IGFN1: variants seen among roughly 807,000 people sequenced by gnomAD.
IGFN1 encodes the protein immunoglobulin-like and fibronectin type III domain-containing protein 1.
Under a neutral mutation model 289.5 loss-of-function variants are expected in IGFN1, and 253 were observed. The ratio of observed to expected loss-of-function variants is 0.87; its 90% CI spans 0.79 to 0.97. The LOEUF is 0.97. Among genes scored for constraint, IGFN1 ranks in the 50% least tolerant of loss-of-function variants. The pLI, the probability that IGFN1 is intolerant of heterozygous loss-of-function variation, is 0.00. For missense variants in IGFN1, 4,470 were observed against 4,686.1 expected (o/e 0.95, Z 1.35); for synonymous variants, 1,706 against 1,788.5 (o/e 0.95, Z 1.16).
chr1:201,216,590 C>T lies in IGFN1; in HGVS notation c.9432C>T (p.Gly3144=). The T allele has an allele frequency of 6.2e-7, 1 of 1,613,786 alleles. No homozygotes were observed. Among genetic ancestry groups the T allele is most frequent in the Non-Finnish European group, 8.5e-7 (1 of 1,179,850 alleles). The change falls in exon 16 of 24, where the codon GGC becomes GGT. Residue 3144 remains glycine, a synonymous_variant. Coordinates refer to ENST00000335211, the MANE Select transcript of IGFN1 (RefSeq NM_001164586.2). ...ECYVVERRQA[G]RSTWLKVGEA... ...ACGTGGTGGAGAGACGGCAGGCTGG[C>T]AGGAGCACTTGGCTGAAGGTGGGCG...
rs544842983 is a variant in IGFN1 at position 201,201,785 on chromosome 1, T to C, written c.700T>C (p.Leu234=). 5.2e-6 allele frequency: 8 copies of C among 1,550,574 alleles called. No individual in the cohort carries two copies. The highest frequency in any genetic ancestry group is 3.6e-5 in the South Asian group (3 of 84,034). ...VTKDGNAKFD[L]ELDLKDSQSK... is the part of the protein sequence containing the mutation. The stretch of plus-strand genomic sequence containing the variant: ...CAAGGATGGGAATGCAAAGTTTGAC[T>C]TGGAGCTGGATCTCAAGGATTCTCA... The change falls in exon 9 of 24, where the codon TTG becomes CTG. Residue 234 remains leucine (L), a synonymous_variant. Transcript: ENST00000335211.
chr1:201,219,143 C>A (rs1294962966), intron 18 of IGFN1, among the ~76,000 whole-genome samples: 1 of 152,222 alleles, frequency 6.6e-6, no homozygotes, highest in Non-Finnish European at 1.5e-5. Context: ...CAAGCTGGCC[C>A]ACCTGCCCCA....
chr1:201,208,219 C>T lies in IGFN1; in HGVS notation c.3326C>T (p.Pro1109Leu), dbSNP rs908173345. 9 of 1,536,626 alleles carry T rather than the reference C, an allele frequency of 5.9e-6. No individual in the cohort carries two copies. The highest frequency in any genetic ancestry group is 7.8e-6 in the Non-Finnish European group (9 of 1,146,836). The change falls in exon 12 of 24, where the codon CCA (proline) becomes CTA (leucine). Residue 1109 changes from proline to leucine, a missense_variant. Pro to Leu is a moderately conservative substitution (Grantham distance 98). Coordinates refer to ENST00000335211, the MANE Select transcript of IGFN1 (RefSeq NM_001164586.2). Reference protein sequence around the residue: ...TVGMGCVEAEPESSGRIRPWG... With the variant: ...TVGMGCVEAELESSGRIRPWG... ...GGGATGGGATGTGTGGAAGCAGAAC[C>T]AGAGAGCTCTGGAAGAATAAGGCCT...
intron 22 of IGFN1, 23 bp from the exon 23 acceptor site, chr1:201,226,859 T>C (rs1654127859): frequency 6.5e-7 from 1 of 1,541,724 alleles, no homozygotes; most frequent in Non-Finnish European, 8.8e-7. Context: ...CACCCTCTTC[T>C]CTCACCCCGG....
At position 201,213,017 on chromosome 1, in the gene IGFN1, G is replaced by A; in HGVS notation, c.8124G>A (p.Glu2708=). The A allele has an allele frequency of 1.3e-6, 2 of 1,551,582 alleles. No homozygotes were observed. The highest frequency in any genetic ancestry group is 2.4e-5 in the South Asian group (2 of 84,064). Residue 2708 remains glutamate (E), a synonymous_variant, in exon 12 of 24, where the codon GAG becomes GAA. Coordinates refer to ENST00000335211, the MANE Select transcript of IGFN1 (RefSeq NM_001164586.2). ...SPGRGSSVDA[E]DSGILGKGNS... ...GAAGGGGCAGTTCTGTTGATGCAGA[G>A]GACTCAGGTATCCTGGGCAAGGGGA...
intron 20 of IGFN1, among the ~76,000 whole-genome samples, chr1:201,223,473 C>A (rs1408006736): frequency 1.3e-5 from 2 of 152,120 alleles, no homozygotes; most frequent in African/African-American, 4.8e-5. Context: ...CGGGTTCTAG[C>A]GATTCTCCTG....
In IGFN1 at chr1:201,213,083, G is replaced by C; in HGVS notation, c.8190G>C (p.Gly2730=). 6.4e-7 allele frequency: 1 copy of C among 1,551,670 alleles called. No individual in the cohort carries two copies. The highest frequency in any genetic ancestry group is 8.7e-7 in the Non-Finnish European group (1 of 1,146,974). The change falls in exon 12 of 24, where the codon GGG becomes GGC. Residue 2730 remains glycine (G), a synonymous_variant. Transcript: ENST00000335211. ...EWGNALTPKP[G]ESGPQGAWNG... ...GGAATGCCCTCACCCCAAAACCTGG[G>C]GAGTCCGGACCTCAGGGAGCCTGGA...
intron 2 of IGFN1, among the ~76,000 whole-genome samples, chr1:201,193,808 A>G (rs990975078): frequency 6.6e-6 from 1 of 151,840 alleles, no homozygotes; most frequent in Non-Finnish European, 1.5e-5. Flanking sequence ...AGGAGTGCAA[A>G]GCCCCCACAC....
At chr1:201,214,059 A>G in intron 12 of IGFN1, 118 bp from the exon 13 acceptor site, 2 of 1,059,898 alleles carry the variant, frequency 1.9e-6, no homozygotes, top group Non-Finnish European at 2.6e-6. Context: ...GGTGCTGGGA[A>G]CCAGCCCTGC....
chr1:201,205,338 C>G lies in IGFN1; in HGVS notation c.1173C>G (p.Ala391=). 4 of 1,539,234 alleles carry G rather than the reference C, an allele frequency of 2.6e-6. No homozygotes were observed. The highest frequency in any genetic ancestry group is 3.5e-6 in the Non-Finnish European group (4 of 1,138,364). ...SLGTGLYTSS[A]WLVVEAGKDK... ...GCACCGGGCTCTACACTTCCAGCGC[C>G]TGGCTGGTGGTTGAAGGTGAGTGCT... Residue 391 remains alanine, a synonymous_variant, in exon 11 of 24, where the codon GCC becomes GCG. Coordinates refer to ENST00000335211, the MANE Select transcript of IGFN1 (RefSeq NM_001164586.2).
chr1:201,203,631 C>T (rs773890064), intron 9 of IGFN1, 107 bp from the exon 10 acceptor site: 115 of 1,012,536 alleles, frequency 1.1e-4, no homozygotes, highest in Non-Finnish European at 1.3e-4. Context: ...TGTTGTCTGG[C>T]GACTGGGCCC....
rs1470948324 is a variant in IGFN1 at position 201,226,803 on chromosome 1, A to T, written c.10787-79A>T. 2.6e-5 allele frequency: 29 copies of T among 1,129,340 alleles called. No homozygotes were observed. The East Asian group carries it at 6.9e-4, about 27-fold the overall frequency. The allele number at this position is 1,129,340 out of a possible 1,614,324, so 70.0% of individuals were successfully genotyped here. On this transcript the variant is annotated intron_variant, in intron 22 of 23. Coordinates refer to ENST00000335211, the MANE Select transcript of IGFN1 (RefSeq NM_001164586.2). Reference sequence around the variant, plus strand: ...TAAGGCCTACATGGTAGCTTCATGAACTCTTTACCCAGACCCGGGTCTCAG... The same window carrying T: ...TAAGGCCTACATGGTAGCTTCATGATCTCTTTACCCAGACCCGGGTCTCAG...
In IGFN1 at chr1:201,213,574, C is replaced by T. The variant is rs1667949292; in HGVS notation, c.8681C>T (p.Thr2894Ile). The T allele has an allele frequency of 1.2e-6, 2 of 1,613,980 alleles. No individual in the cohort carries two copies. The highest frequency in any genetic ancestry group is 3.3e-5 in the Admixed American group (2 of 60,006). ...GERRDATRSS[T>I]SRYKPGTGSF... ...AGGAGAGATGCTACCCGGAGTTCCA[C>T]ATCCAGATACAAGCCTGGCACTGGC... is the stretch of plus-strand genomic sequence containing the variant. The change falls in exon 12 of 24, where the codon ACA (threonine) becomes ATA (isoleucine). Residue 2894 changes from threonine to isoleucine, a missense_variant. By Grantham distance (89) the Thr-to-Ile change is moderately conservative (BLOSUM62 -1). Around this residue, in one of 8 missense-constraint regions of IGFN1, gnomAD observed 2,218 missense variants for 2,114.1 expected, o/e 1.05. Transcript: ENST00000335211.
Position 201,213,610 on chromosome 1 carries a change from A to G in IGFN1, c.8717A>G (p.Lys2906Arg). Residue 2906 changes from lysine (K) to arginine (R), a missense_variant, in exon 12 of 24, where the codon AAG becomes AGG. By Grantham distance (26) the Lys-to-Arg change is conservative. This residue lies in a region of IGFN1 where 2,218 missense variants were observed against 2,114.1 expected (regional missense o/e 1.05). Transcript: ENST00000335211. ...RYKPGTGSFS[K>R]DAQGPMGHFS... Reference sequence around the variant, plus strand: ...AAGCCTGGCACTGGCAGTTTCTCCAAGGATGCCCAAGGTAGGTGCTTCTCT... The same window carrying G: ...AAGCCTGGCACTGGCAGTTTCTCCAGGGATGCCCAAGGTAGGTGCTTCTCT... The G allele has an allele frequency of 6.2e-7, 1 of 1,613,510 alleles. No homozygotes were observed. Among genetic ancestry groups the G allele is most frequent in the Non-Finnish European group, 8.5e-7 (1 of 1,179,612 alleles).
chr1:201,203,643 TG>T, intron 9 of IGFN1, 94 bp from the exon 10 acceptor site: 1 of 1,186,786 alleles, frequency 8.4e-7, no homozygotes, highest in Non-Finnish European at 1.2e-6. Flanking sequence ...ACTGGGCCCG[TG>T]GGAGAAAACT....
chr1:201,206,705 G>C lies in IGFN1; in HGVS notation c.1812G>C (p.Gly604=). The C allele has an allele frequency of 2.6e-6, 4 of 1,536,944 alleles. No homozygotes were observed. Among genetic ancestry groups the C allele is most frequent in the Non-Finnish European group, 3.5e-6 (4 of 1,146,916 alleles). ...TGTGGGATGCTCGACTGGGACCTGGGAGAGGAAAGAGCGACCTGCAGGGAT... is the reference window on the plus strand; with the variant it reads ...TGTGGGATGCTCGACTGGGACCTGGCAGAGGAAAGAGCGACCTGCAGGGAT... ...EQLWDARLGP[G]RGKSDLQGCQ... The change falls in exon 12 of 24, where the codon GGG becomes GGC. Residue 604 remains glycine (G), a synonymous_variant. Coordinates refer to ENST00000335211, the MANE Select transcript of IGFN1 (RefSeq NM_001164586.2).
chr1:201,194,822 A>G (rs1480239197), intron 3 of IGFN1, among the ~76,000 whole-genome samples: 1 of 152,240 alleles, frequency 6.6e-6, no homozygotes, highest in Non-Finnish European at 1.5e-5. Flanking sequence ...CCTGCAATAA[A>G]TTTTAGTTCA....
chr1:201,200,410 A>C lies in IGFN1; in HGVS notation c.632A>C (p.Gln211Pro). 1 of 1,550,776 alleles carries C rather than the reference A, an allele frequency of 6.4e-7. No individual in the cohort carries two copies. Among genetic ancestry groups the C allele is most frequent in the Non-Finnish European group, 8.7e-7 (1 of 1,146,326 alleles). ...MKKEQEDKMA[Q>P]YINTISSLRH... ...AAGGAACAGGAGGACAAGATGGCAC[A>C]GGTGCCTCACCCCATTCCCACCCCT... Residue 211 changes from glutamine to proline, a missense_variant and splice_region_variant, in exon 8 of 24, where the codon CAG becomes CCG. Physicochemically the swap from Gln to Pro is moderately conservative, Grantham distance 76. Coordinates refer to ENST00000335211, the MANE Select transcript of IGFN1 (RefSeq NM_001164586.2).
chr1:201,192,620 T>C (rs1348663379), intron 1 of IGFN1, among the ~76,000 whole-genome samples: 3 of 152,152 alleles, frequency 2.0e-5, no homozygotes, highest in African/African-American at 4.8e-5. Flanking sequence ...CAAGAAGAGC[T>C]TAAGAGCAGC....
Sources: allele counts gnomAD v4.1 joint callset (sites outside exome capture counted in the v4.1 genomes callset), GRCh38; gene constraint gnomAD v4.1.1; regional missense constraint gnomAD v4.1.1; transcripts MANE v1.5; gene names NCBI Gene and HGNC (gene_info 2026-07-23, HGNC 2026-07-21).